Variants in HERC4 observed in about 807,000 individuals in gnomAD.
HERC4 encodes the protein HECT and RLD domain containing E3 ubiquitin protein ligase 4.
HERC4 carries 28 observed loss-of-function variants against 124.3 expected under a neutral mutation model. The ratio of observed to expected loss-of-function variants is 0.23; its 90% CI spans 0.17 to 0.31. HERC4 has a LOEUF of 0.31. Ranked by LOEUF, HERC4 falls within the 10% of genes least tolerant of loss-of-function variation. The pLI, the probability that HERC4 is intolerant of heterozygous loss-of-function variation, is 1.00. For missense variants in HERC4, 713 were observed against 1,229.3 expected (o/e 0.58, Z 6.28); for synonymous variants, 407 against 421.5 (o/e 0.97, Z 0.42).
chr10:67,976,906 T>C (rs915309335), intron 15 of HERC4, among the ~76,000 whole-genome samples: 1 of 152,096 alleles, frequency 6.6e-6, no homozygotes, highest in African/African-American at 2.4e-5. Flanking sequence ...AAAATGTGAG[T>C]TCCTGCAAGC....
At chr10:68,061,106 T>A (rs1388409627) in intron 3 of HERC4, among the ~76,000 whole-genome samples, 1 of 152,154 alleles carries the variant, frequency 6.6e-6, no homozygotes, top group Non-Finnish European at 1.5e-5. Flanking sequence ...TATTTCCCAA[T>A]AGCTCTTGCC....
At chr10:68,026,852 ATTAG>A (rs201530853) in intron 7 of HERC4, among the ~76,000 whole-genome samples, 4,876 of 151,844 alleles carry the variant, frequency 0.032, 257 homozygotes, top group African/African-American at 0.11. Context: ...AAAAAAAAAA[ATTAG>A]TTAGGCATGG....
At chr10:68,010,989 T>C in intron 9 of HERC4, 1 of 787,070 alleles carries the variant, frequency 1.3e-6, no homozygotes, top group Non-Finnish European at 2.1e-6. Flanking sequence ...GTTCTTCGAA[T>C]GAAGTCTTGA....
chr10:68,031,904 G>A (rs1048886897), intron 7 of HERC4, among the ~76,000 whole-genome samples: 3 of 151,980 alleles, frequency 2.0e-5, no homozygotes, highest in South Asian at 2.1e-4. Context: ...GGTGCCTGCC[G>A]CCATGCCCAG....
chr10:68,032,479 C>T (rs762053468), intron 7 of HERC4, among the ~76,000 whole-genome samples: 43 of 152,028 alleles, frequency 2.8e-4, no homozygotes, highest in Non-Finnish European at 4.7e-4. Flanking sequence ...TGAACTAAAA[C>T]GGAATAATTT....
intron 3 of HERC4, among the ~76,000 whole-genome samples, chr10:68,060,856 AC>A (rs2040971194): frequency 1.3e-5 from 2 of 152,142 alleles, no homozygotes; most frequent in African/African-American, 4.8e-5. Flanking sequence ...TGATTGATCA[AC>A]TGTACTTTGT....
intron 3 of HERC4, among the ~76,000 whole-genome samples, chr10:68,072,556 C>T (rs1430846402): frequency 6.6e-6 from 1 of 151,982 alleles, no homozygotes; most frequent in Non-Finnish European, 1.5e-5. Context: ...AAAATCTATC[C>T]AGGGTGGCTG....
Position 68,075,175 on chromosome 10 carries a change from C to G in HERC4, c.-140G>C, listed in dbSNP as rs1457669660. On this transcript the variant is annotated 5_prime_UTR_variant, in exon 1 of 25. Transcript: ENST00000373700. ...CCTTAGAGAAAAGCGGACGCCACTG[C>G]TGTCCAGTCCAGAGACAGCCGTCAG... 1 of 152,884 alleles carries G rather than the reference C, an allele frequency of 6.5e-6. No homozygotes were observed. Among genetic ancestry groups the G allele is most frequent in the African/African-American group, 2.4e-5 (1 of 41,450 alleles). 9.5% of individuals were successfully genotyped at this position (152,884 alleles called of 1,614,324 possible).
intron 4 of HERC4, among the ~76,000 whole-genome samples, chr10:68,044,032 G>A (rs186216778): frequency 6.6e-6 from 1 of 152,000 alleles, no homozygotes; most frequent in Non-Finnish European, 1.5e-5. Context: ...CTAAAAAAAG[G>A]ACAAGTTAGT....
intron 7 of HERC4, among the ~76,000 whole-genome samples, chr10:68,031,068 T>C (rs1305821796): frequency 1.3e-5 from 2 of 152,188 alleles, no homozygotes; most frequent in Non-Finnish European, 2.9e-5. Flanking sequence ...ATATTTTACT[T>C]TGGGGATATT....
rs953987905 is a variant in HERC4 at position 67,921,939 on chromosome 10, G to GT, written c.*991dup. On this transcript the variant is annotated 3_prime_UTR_variant, in exon 25 of 25. Transcript: ENST00000373700. ...TAAAACAATAAATCTTTATTAAACA[G>GT]TTTTCACGGCATTTTAAAATAAATT... The GT allele has an allele frequency of 4.6e-5, 7 of 152,176 alleles. No homozygotes were observed. Among genetic ancestry groups the GT allele is most frequent in the Admixed American group, 2.0e-4 (3 of 15,286 alleles). The allele number at this position is 152,176 out of a possible 1,614,324, so 9.4% of individuals were successfully genotyped here. A position where few individuals can be genotyped will look rare whatever the true frequency, so the allele number is the denominator to read the frequency against.
intron 3 of HERC4, among the ~76,000 whole-genome samples, chr10:68,059,502 AT>A: frequency 8.5e-6 from 1 of 118,308 alleles, no homozygotes; most frequent in East Asian, 3.4e-4. Context: ...AACATTATAT[AT>A]TATAATATTA....
chr10:68,031,470 A>G lies in HERC4; in HGVS notation c.777+1308T>C, dbSNP rs10997915. On this transcript the variant is annotated intron_variant, in intron 7 of 24. Coordinates refer to ENST00000373700, the MANE Select transcript of HERC4 (RefSeq NM_015601.4). ...TGAATGCCAAAATCAATAAAATATG[A>G]TATTAGGTTGGTGCAAAATTAATTG... is the stretch of plus-strand genomic sequence containing the variant. Among the ~76,000 whole-genome samples, 18 of 152,276 alleles carry G rather than the reference A, an allele frequency of 1.2e-4. No homozygotes were observed. The East Asian group carries it at 2.9e-3, about 24-fold the overall frequency.
chr10:67,936,834 A>G (rs1404806214), intron 21 of HERC4, among the ~76,000 whole-genome samples: 3 of 151,984 alleles, frequency 2.0e-5, no homozygotes, highest in Non-Finnish European at 4.4e-5. Context: ...TTTTATGAAA[A>G]CCTGCTATTT....
At chr10:67,943,906 C>T (rs1381031058) in intron 19 of HERC4, among the ~76,000 whole-genome samples, 1 of 152,216 alleles carries the variant, frequency 6.6e-6, no homozygotes, top group Non-Finnish European at 1.5e-5. Context: ...TGCCTTGTGG[C>T]TTGGATGCCA....
intron 19 of HERC4, among the ~76,000 whole-genome samples, chr10:67,951,810 A>G (rs2033812048): frequency 6.6e-6 from 1 of 152,192 alleles, no homozygotes; most frequent in Non-Finnish European, 1.5e-5. Context: ...GGGCAGTTGT[A>G]TAAAAAACCT....
At chr10:67,937,480 CTT>C (rs942066594) in intron 21 of HERC4, among the ~76,000 whole-genome samples, 11 of 152,064 alleles carry the variant, frequency 7.2e-5, no homozygotes, top group African/African-American at 2.7e-4. Context: ...CAGCTTGAAA[CTT>C]AATTTTTTAG....
intron 17 of HERC4, chr10:67,955,335 G>A (rs777600974): frequency 2.7e-4 from 129 of 476,430 alleles, no homozygotes; most frequent in Non-Finnish European, 3.9e-4. Context: ...TTATACTAAT[G>A]TATAATGTAT....
intron 9 of HERC4, among the ~76,000 whole-genome samples, chr10:68,009,081 A>G (rs2037769321): frequency 6.6e-6 from 1 of 152,084 alleles, no homozygotes; most frequent in Admixed American, 6.6e-5. Context: ...AAAATTAGCC[A>G]GGTGTGGTGG....
Sources: allele counts gnomAD v4.1 joint callset (sites outside exome capture counted in the v4.1 genomes callset), GRCh38; gene constraint gnomAD v4.1.1; transcripts MANE v1.5; gene names NCBI Gene and HGNC (gene_info 2026-07-23, HGNC 2026-07-21).